The following ZNF385D variants were observed in gnomAD, a reference collection of about 807,000 sequenced individuals.
The protein encoded by ZNF385D is zinc finger protein 385D.
A neutral mutation model predicts 35.8 loss-of-function variants in ZNF385D; 15 were observed. That is an observed-to-expected ratio of 0.42 (90% CI 0.28 to 0.64). ZNF385D has a LOEUF of 0.64. ZNF385D is among the 30% of genes least tolerant of loss of function. The pLI is 0.23. For synonymous variants in ZNF385D, 212 were observed against 186.8 expected (o/e 1.13, Z -1.10); for missense variants, 474 against 494.6 (o/e 0.96, Z 0.39).
intron 3 of ZNF385D, among the ~76,000 whole-genome samples, chr3:21,957,933 T>C (rs1702376050): frequency 6.6e-6 from 1 of 152,094 alleles, no homozygotes; most frequent in Non-Finnish European, 1.5e-5. Flanking sequence ...ACCACTAATG[T>C]TGTCATTCAG....
intron 2 of ZNF385D, among the ~76,000 whole-genome samples, chr3:21,647,898 G>A (rs114497465): frequency 0.012 from 1,763 of 152,112 alleles, 31 homozygotes; most frequent in African/African-American, 0.041. Context: ...AAGAAAAATG[G>A]TATAAACGTC....
chr3:22,340,415 G>T (rs1041537951), intron 2 of ZNF385D, among the ~76,000 whole-genome samples: 12 of 152,156 alleles, frequency 7.9e-5, no homozygotes, highest in Admixed American at 7.9e-4. Context: ...TGAGGCCAAG[G>T]CAGGTGGATC....
At chr3:22,188,609 CCTG>C (rs1192834210) in intron 2 of ZNF385D, among the ~76,000 whole-genome samples, 13 of 152,128 alleles carry the variant, frequency 8.5e-5, no homozygotes, top group African/African-American at 3.1e-4. Flanking sequence ...GCCACCACAC[CCTG>C]CTAATTTTTT....
chr3:22,078,580 G>C (rs1282994349), intron 3 of ZNF385D, among the ~76,000 whole-genome samples: 1 of 152,030 alleles, frequency 6.6e-6, no homozygotes, highest in Non-Finnish European at 1.5e-5. Flanking sequence ...ATCAAGGCAA[G>C]GAAGTTCAAC....
At position 22,093,345 on chromosome 3, in the gene ZNF385D, AAAT is replaced by A. The variant is rs1224386849; in HGVS notation, c.325+75469_325+75471del. On this transcript the variant is annotated intron_variant, in intron 3 of 5. Transcript: ENST00000494108. ...ATTTAACTACATATGGATACAAATAAAATATTATTAAATACATATAAAATATAG... is the reference window on the plus strand; with the variant it reads ...ATTTAACTACATATGGATACAAATAAATTATTAAATACATATAAAATATAG... Among the ~76,000 whole-genome samples the A allele has an allele frequency of 4.0e-5, 6 of 151,690 alleles. No individual in the cohort carries two copies. In the East Asian group the frequency reaches 5.8e-4, roughly 15 times the overall value.
At chr3:21,787,697 C>G (rs1368885559) in intron 3 of ZNF385D, among the ~76,000 whole-genome samples, 2 of 151,952 alleles carry the variant, frequency 1.3e-5, no homozygotes, top group African/African-American at 2.4e-5. Flanking sequence ...TAAATATGAA[C>G]GGACAGGAAG....
rs769810611 is a variant in ZNF385D, at chr3:21,890,568, A to G, written c.326-225540T>C. Among the ~76,000 whole-genome samples, 21 of 152,208 alleles carry G rather than the reference A, an allele frequency of 1.4e-4. No homozygotes were observed. In the South Asian group the frequency reaches 2.1e-3, roughly 15 times the overall value. ...TGGGAGGCGGAGGTTGCAGTGAGCC[A>G]AGATCGCGCCACTGCACTCCAGCCT... On this transcript the variant is annotated intron_variant, in intron 3 of 5. Coordinates refer to the ZNF385D transcript ENST00000494108.
chr3:22,155,802 T>G (rs756341971), intron 3 of ZNF385D, among the ~76,000 whole-genome samples: 7 of 152,158 alleles, frequency 4.6e-5, no homozygotes, highest in Non-Finnish European at 7.4e-5. Flanking sequence ...CAGTCACTTC[T>G]CAATTTTTGT....
At chr3:21,654,076 GTCATT>G (rs2066001168) in intron 2 of ZNF385D, among the ~76,000 whole-genome samples, 1 of 151,508 alleles carries the variant, frequency 6.6e-6, no homozygotes, top group South Asian at 2.1e-4. Context: ...CAACTGGACT[GTCATT>G]TCTTTTACCT....
At chr3:21,694,622 A>G (rs959715780) in intron 1 of ZNF385D, among the ~76,000 whole-genome samples, 1 of 152,220 alleles carries the variant, frequency 6.6e-6, no homozygotes, top group Non-Finnish European at 1.5e-5. Flanking sequence ...ATGGTGAACT[A>G]TGGTGAAGTA....
chr3:22,130,886 C>G (rs1340854090), intron 3 of ZNF385D, among the ~76,000 whole-genome samples: 1 of 152,074 alleles, frequency 6.6e-6, no homozygotes, highest in Non-Finnish European at 1.5e-5. Flanking sequence ...GTTTGGCCAT[C>G]TTGCATCACC....
In ZNF385D at chr3:22,120,441, C is replaced by G. The variant is rs1703032888; in HGVS notation, c.325+48376G>C. Among the ~76,000 whole-genome samples the G allele has an allele frequency of 2.0e-5, 3 of 152,054 alleles. No homozygotes were observed. The South Asian group carries it at 6.2e-4, about 32-fold the overall frequency. On this transcript the variant is annotated intron_variant, in intron 3 of 5. Transcript: ENST00000494108. ...CTATACCCTTATGACCTCGTATAAG[C>G]TTAATTACTTTTTTAAGAGTTCTAT... is the stretch of plus-strand genomic sequence containing the variant.
intron 3 of ZNF385D, among the ~76,000 whole-genome samples, chr3:21,814,881 T>C (rs2073080850): frequency 6.6e-6 from 1 of 152,136 alleles, no homozygotes; most frequent in Admixed American, 6.5e-5. Context: ...AGAATATACA[T>C]TCTTCTCAGC....
At chr3:21,565,434 A>G (rs1443545690) in intron 2 of ZNF385D, among the ~76,000 whole-genome samples, 1 of 152,128 alleles carries the variant, frequency 6.6e-6, no homozygotes, top group Non-Finnish European at 1.5e-5. Context: ...GCTGGAGTGC[A>G]GTGGTGAGAT....
intron 2 of ZNF385D, among the ~76,000 whole-genome samples, chr3:22,289,036 G>A (rs1443060240): frequency 6.6e-6 from 1 of 152,120 alleles, no homozygotes; most frequent in African/African-American, 2.4e-5. Context: ...CAGCTGGAAA[G>A]GTTGGGGTGT....
chr3:21,834,957 C>CT (rs1416258558), intron 3 of ZNF385D, among the ~76,000 whole-genome samples: 1 of 152,132 alleles, frequency 6.6e-6, no homozygotes, highest in Non-Finnish European at 1.5e-5. Context: ...AATTGAATCT[C>CT]TTTTCTTTAT....
chr3:21,799,010 T>C (rs79424105), intron 3 of ZNF385D, among the ~76,000 whole-genome samples: 6,117 of 152,280 alleles, frequency 0.04, 394 homozygotes, highest in African/African-American at 0.14. Flanking sequence ...TACAGGTCTA[T>C]GGATTCACCT....
intron 2 of ZNF385D, among the ~76,000 whole-genome samples, chr3:22,359,749 G>A (rs1036764659): frequency 6.6e-6 from 1 of 151,820 alleles, no homozygotes; most frequent in African/African-American, 2.4e-5. Flanking sequence ...AAAATGATAG[G>A]AAATAGTGTC....
chr3:22,242,709 GA>G (rs1188635104), intron 2 of ZNF385D, among the ~76,000 whole-genome samples: 1 of 150,942 alleles, frequency 6.6e-6, no homozygotes, highest in African/African-American at 2.5e-5. Flanking sequence ...AAAATATCAG[GA>G]GAAAACAATC....
Sources: gnomAD v4.1 joint callset for allele counts (sites outside exome capture counted in the v4.1 genomes callset) on GRCh38, gnomAD v4.1.1 for gene constraint, MANE v1.5 for transcripts, NCBI Gene and HGNC (gene_info 2026-07-23, HGNC 2026-07-21) for gene names.